The following CECR2 variants were observed in gnomAD, a reference collection of about 807,000 sequenced individuals.
The protein encoded by CECR2 is chromatin remodeling regulator CECR2.
Under a neutral mutation model 154.5 loss-of-function variants are expected in CECR2, and 30 were observed. The observed-to-expected ratio is 0.19, with a 90% CI of 0.15 to 0.26. The LOEUF (loss-of-function observed/expected upper bound fraction) is 0.26, where lower values mean the gene tolerates loss of function less well. Ranked by LOEUF, CECR2 falls within the 10% of genes least tolerant of loss-of-function variation. The pLI, the probability that CECR2 is intolerant of heterozygous loss-of-function variation, is 1.00. For synonymous variants in CECR2, 725 were observed against 683.7 expected (o/e 1.06, Z -0.94); for missense variants, 1,743 against 1,829.3 (o/e 0.95, Z 0.86).
intron 5 of CECR2, among the ~76,000 whole-genome samples, chr22:17,501,831 C>T (rs1225149413): frequency 6.6e-6 from 1 of 152,180 alleles, no homozygotes; most frequent in African/African-American, 2.4e-5. Flanking sequence ...AGGGTTGGGA[C>T]TGTAGAATCA....
rs777221965 is a variant in CECR2, at chr22:17,540,674, T to C, written c.1758T>C (p.Ser586=). The C allele has an allele frequency of 5.1e-5, 82 of 1,613,848 alleles. No individual in the cohort carries two copies. Among genetic ancestry groups the C allele is most frequent in the Non-Finnish European group, 5.7e-5 (67 of 1,179,888 alleles). The stretch of plus-strand genomic sequence containing the variant: ...CCCCCACACGCCGAGCGCCCTCTTC[T>C]GGGGACGATCAGAGCAGCAGCTCCA... The part of the protein sequence containing the change: ...SLPPTRRAPS[S]GDDQSSSSTQ... The change falls in exon 14 of 19, where the codon TCT becomes TCC. Residue 586 remains serine (S), a synonymous_variant. Transcript: ENST00000262608.
intron 7 of CECR2, among the ~76,000 whole-genome samples, chr22:17,508,432 T>C (rs1441752860): frequency 6.6e-6 from 1 of 152,146 alleles, no homozygotes; most frequent in African/African-American, 2.4e-5. Context: ...CTTTTCTATT[T>C]ATGTATGTTT....
chr22:17,390,167 G>A (rs1247107512), intron 1 of CECR2, among the ~76,000 whole-genome samples: 1 of 152,090 alleles, frequency 6.6e-6, no homozygotes, highest in African/African-American at 2.4e-5. Flanking sequence ...CTTTAAAATA[G>A]AGCCGTTTTT....
At chr22:17,490,789 T>C (rs1408429111) in intron 2 of CECR2, among the ~76,000 whole-genome samples, 1 of 152,062 alleles carries the variant, frequency 6.6e-6, no homozygotes, top group Non-Finnish European at 1.5e-5. Flanking sequence ...TTGGTTTTTA[T>C]GTATTAACAA....
intron 2 of CECR2, among the ~76,000 whole-genome samples, chr22:17,493,549 C>A (rs757791100): frequency 1.2e-4 from 18 of 152,164 alleles, no homozygotes; most frequent in African/African-American, 4.1e-4. Flanking sequence ...GAAGGTTGAT[C>A]TACATACAAG....
chr22:17,374,233 C>G (rs1309896583), intron 1 of CECR2, among the ~76,000 whole-genome samples: 1 of 152,144 alleles, frequency 6.6e-6, no homozygotes, highest in Non-Finnish European at 1.5e-5. Flanking sequence ...CCTTGTGTCT[C>G]CTTCCTGGTT....
chr22:17,510,681 A>G (rs1417484230), intron 7 of CECR2, among the ~76,000 whole-genome samples: 1 of 152,108 alleles, frequency 6.6e-6, no homozygotes, highest in Non-Finnish European at 1.5e-5. Context: ...GGCTCACTGC[A>G]AGCTCCGCCT....
chr22:17,479,857 T>C (rs2055276694), intron 2 of CECR2, among the ~76,000 whole-genome samples: 1 of 148,596 alleles, frequency 6.7e-6, no homozygotes, highest in South Asian at 2.2e-4. Context: ...AGCCTCAACC[T>C]GGGCTCTAGC....
chr22:17,444,236 A>C (rs1769538725), intron 1 of CECR2, among the ~76,000 whole-genome samples: 1 of 152,192 alleles, frequency 6.6e-6, no homozygotes, highest in African/African-American at 2.4e-5. Context: ...TTTGCTGGCT[A>C]ATACAGTTCG....
intron 2 of CECR2, among the ~76,000 whole-genome samples, chr22:17,489,968 A>C (rs1245051720): frequency 6.6e-6 from 1 of 151,846 alleles, no homozygotes; most frequent in Non-Finnish European, 1.5e-5. Flanking sequence ...TTCCCTAAAA[A>C]ACTTGTAAAT....
chr22:17,555,597 A>G lies in CECR2; in HGVS notation c.*2757A>G, dbSNP rs2056764160. On this transcript the variant is annotated 3_prime_UTR_variant, in exon 19 of 19. Coordinates refer to ENST00000262608, the MANE Select transcript of CECR2 (RefSeq NM_001290047.2). ...TCTCACCTTTTCTTCCTCCTCTAGC[A>G]CTTCTCTTTCCAAGTGTCTTAAGCA... 1 of 152,104 alleles carries G rather than the reference A, an allele frequency of 6.6e-6. No individual in the cohort carries two copies. Among genetic ancestry groups the G allele is most frequent in the African/African-American group, 2.4e-5 (1 of 41,396 alleles). The allele number at this position is 152,104 out of a possible 1,614,324, so 9.4% of individuals were successfully genotyped here.
chr22:17,385,711 T>C (rs1489476435), intron 1 of CECR2, among the ~76,000 whole-genome samples: 1 of 152,194 alleles, frequency 6.6e-6, no homozygotes, highest in African/African-American at 2.4e-5. Flanking sequence ...AAAATGGCCC[T>C]GATAGACTTG....
intron 1 of CECR2, among the ~76,000 whole-genome samples, chr22:17,381,950 C>G (rs1332481377): frequency 1.3e-5 from 2 of 151,384 alleles, no homozygotes; most frequent in Non-Finnish European, 2.9e-5. Context: ...TGCAGTGGCA[C>G]AATCTTGGCT....
intron 1 of CECR2, among the ~76,000 whole-genome samples, chr22:17,375,680 C>T (rs1336954696): frequency 6.6e-6 from 1 of 151,730 alleles, no homozygotes; most frequent in African/African-American, 2.4e-5. Context: ...AGTGCTTTGT[C>T]GCTGGTGGCT....
intron 1 of CECR2, among the ~76,000 whole-genome samples, chr22:17,467,065 C>T (rs1483860343): frequency 2.6e-5 from 4 of 152,152 alleles, no homozygotes; most frequent in South Asian, 2.1e-4. Flanking sequence ...GTTGACTCTG[C>T]GCTTTCTGTC....
At chr22:17,368,194 G>A (rs907787521), upstream of CECR2, among the ~76,000 whole-genome samples, 13 of 151,962 alleles carry the variant, frequency 8.6e-5, no homozygotes, top group Admixed American at 6.6e-4. Context: ...AGAGTGGAGG[G>A]GTAATTATCC....
chr22:17,509,489 G>A (rs1363606029), intron 7 of CECR2, among the ~76,000 whole-genome samples: 6 of 151,128 alleles, frequency 4.0e-5, no homozygotes, highest in African/African-American at 1.5e-4. Context: ...GAGTGCAGTA[G>A]CGTGATCATA....
chr22:17,378,992 G>T (rs2063153788), intron 1 of CECR2, among the ~76,000 whole-genome samples: 1 of 151,726 alleles, frequency 6.6e-6, no homozygotes, highest in South Asian at 2.1e-4. Context: ...TGCTTTTGTG[G>T]CCCACCCAGG....
chr22:17,488,437 C>G (rs1355387061), intron 2 of CECR2, among the ~76,000 whole-genome samples: 2 of 152,176 alleles, frequency 1.3e-5, no homozygotes, highest in African/African-American at 4.8e-5. Context: ...AGAAAGTTTC[C>G]TTTGTAGTCA....
Sources: gnomAD v4.1 joint callset for allele counts (sites outside exome capture counted in the v4.1 genomes callset) on GRCh38, gnomAD v4.1.1 for gene constraint, MANE v1.5 for transcripts, NCBI Gene and HGNC (gene_info 2026-07-23, HGNC 2026-07-21) for gene names.